The following VAPB variants were observed in gnomAD, a reference collection of about 807,000 sequenced individuals.
VAPB encodes VAMP associated protein B and C, also known as vesicle-associated membrane protein-associated protein B/C.
A neutral mutation model predicts 25.6 loss-of-function variants in VAPB; 7 were observed. The observed-to-expected ratio is 0.27, with a 90% CI of 0.16 to 0.51. VAPB has a LOEUF of 0.51. VAPB is among the 20% of genes least tolerant of loss of function. The pLI, the probability that VAPB is intolerant of heterozygous loss-of-function variation, is 0.97. For missense variants in VAPB, 266 were observed against 301.3 expected (o/e 0.88, Z 0.87); for synonymous variants, 112 against 109.2 (o/e 1.03, Z -0.16).
chr20:58,434,664 T>C lies in VAPB; in HGVS notation c.274T>C (p.Ser92Pro). Residue 92 changes from serine to proline, a missense_variant, in exon 3 of 6, where the codon TCT becomes CCT. Around this residue, in one of 3 missense-constraint regions of VAPB, gnomAD observed 98 missense variants for 147.1 expected, o/e 0.67. Coordinates refer to ENST00000475243, the MANE Select transcript of VAPB (RefSeq NM_004738.5). ...EKSKHKFMVQ[S>P]MFAPTDTSDM... ...AAGTAAACACAAGTTTATGGTTCAGTCTATGTTTGCTCCAACTGACACTTC... is the reference window on the plus strand; with the variant it reads ...AAGTAAACACAAGTTTATGGTTCAGCCTATGTTTGCTCCAACTGACACTTC... 1 of 1,599,858 alleles carries C rather than the reference T, an allele frequency of 6.3e-7. No homozygotes were observed. The highest frequency in any genetic ancestry group is 1.1e-5 in the South Asian group (1 of 90,752).
At position 58,443,398 on chromosome 20, in the gene VAPB, G is replaced by GTTTT. The variant is rs397773897; in HGVS notation, c.574-661_574-658dup. 2.6e-3 allele frequency among the ~76,000 whole-genome samples: 292 copies of GTTTT among 112,766 alleles called. 2 individuals are homozygous for GTTTT. Among genetic ancestry groups the GTTTT allele is most frequent in the Middle Eastern group, 0.011 (2 of 180 alleles). The allele number at this position is 112,766 out of a possible 152,430, so 74.0% of individuals were successfully genotyped here. ...AAGCTTCCAGATGTCCCACTTTTAG[G>GTTTT]TTTTTTTTTTTTTTTTTTTTTAATA... On this transcript the variant is annotated intron_variant, in intron 5 of 5. Coordinates refer to ENST00000475243, the MANE Select transcript of VAPB (RefSeq NM_004738.5).
At chr20:58,399,088 G>T (rs543199538) in intron 1 of VAPB, among the ~76,000 whole-genome samples, 1 of 151,938 alleles carries the variant, frequency 6.6e-6, no homozygotes, top group Non-Finnish European at 1.5e-5. Context: ...ATCACCTGAG[G>T]TCAGGAGTTC....
chr20:58,441,628 C>T (rs562566808), intron 5 of VAPB, among the ~76,000 whole-genome samples: 202 of 152,306 alleles, frequency 1.3e-3, no homozygotes, highest in South Asian at 2.9e-3. Context: ...GGTGACAGAG[C>T]TAGACTTCGT....
At chr20:58,426,934 A>G (rs1313722038) in intron 2 of VAPB, among the ~76,000 whole-genome samples, 1 of 152,254 alleles carries the variant, frequency 6.6e-6, no homozygotes, top group East Asian at 1.9e-4. Context: ...TTGCTCTGTT[A>G]CCGTTATAAT....
chr20:58,450,183 C>G lies in VAPB; in HGVS notation c.*5948C>G. On this transcript the variant is annotated 3_prime_UTR_variant, in exon 6 of 6. Transcript: ENST00000475243. ...TTGTTTTTAAGAAATAGACTGAATT[C>G]AGCTGTTAATCCTCTAGTACAGTAT... 2.2e-6 allele frequency: 1 copy of G among 454,042 alleles called. No individual in the cohort carries two copies. Among genetic ancestry groups the G allele is most frequent in the Non-Finnish European group, 4.4e-6 (1 of 226,784 alleles). The allele number at this position is 454,042 out of a possible 1,614,324, so 28.1% of individuals were successfully genotyped here.
intron 1 of VAPB, among the ~76,000 whole-genome samples, chr20:58,413,021 T>A (rs116541215): frequency 6.6e-6 from 1 of 152,334 alleles, no homozygotes; most frequent in African/African-American, 2.4e-5. Context: ...GTCTTTGACC[T>A]TCAAACCAGA....
chr20:58,428,982 G>A (rs1008794986), intron 2 of VAPB, among the ~76,000 whole-genome samples: 6 of 152,182 alleles, frequency 3.9e-5, no homozygotes, highest in Non-Finnish European at 5.9e-5. Context: ...GAGAGCTGGT[G>A]ATGAAAAACA....
intron 1 of VAPB, chr20:58,390,382 T>G (rs1177407309): frequency 2.7e-5 from 4 of 150,748 alleles, no homozygotes; most frequent in East Asian, 3.9e-4. Context: ...TACTTTTGTT[T>G]TTTTTTTTTT....
rs946504495 is a variant in VAPB at position 58,445,178 on chromosome 20, A to G, written c.*943A>G. The G allele has an allele frequency of 4.4e-6, 2 of 454,016 alleles. No individual in the cohort carries two copies. The highest frequency in any genetic ancestry group is 4.0e-5 in the African/African-American group (2 of 49,960). 28.1% of individuals were successfully genotyped at this position (454,016 alleles called of 1,614,324 possible). ...AAATAACAACTGTCATAGGGAGGGA[A>G]ATTCTCAGTAGTGACAGTCAACTCT... On this transcript the variant is annotated 3_prime_UTR_variant, in exon 6 of 6. Transcript: ENST00000475243.
intron 1 of VAPB, among the ~76,000 whole-genome samples, chr20:58,397,289 G>C (rs896925223): frequency 6.6e-6 from 1 of 152,152 alleles, no homozygotes; most frequent in Non-Finnish European, 1.5e-5. Flanking sequence ...GGAGGCTGAG[G>C]CAGGCAGATC....
chr20:58,406,726 C>T (rs1988237721), intron 1 of VAPB, among the ~76,000 whole-genome samples: 2 of 152,180 alleles, frequency 1.3e-5, no homozygotes, highest in Non-Finnish European at 2.9e-5. Flanking sequence ...ACTTTTTGCA[C>T]TTGAACTGTT....
At chr20:58,423,401 A>G (rs553510856) in intron 2 of VAPB, among the ~76,000 whole-genome samples, 3 of 142,400 alleles carry the variant, frequency 2.1e-5, no homozygotes, top group Non-Finnish European at 4.6e-5. Context: ...AACAAGAGAG[A>G]AACTCCATCT....
chr20:58,399,809 T>C (rs1988053324), intron 1 of VAPB, among the ~76,000 whole-genome samples: 1 of 152,206 alleles, frequency 6.6e-6, no homozygotes, highest in South Asian at 2.1e-4. Context: ...GCTATTTGTT[T>C]ATTAGTGTTG....
At chr20:58,439,088 T>G (rs1989108051) in intron 4 of VAPB, 63 bp downstream of exon 4, 1 of 1,468,978 alleles carries the variant, frequency 6.8e-7, no homozygotes, top group Non-Finnish European at 9.5e-7. Flanking sequence ...TGCATACCAT[T>G]TCCTGCAAAA....
At chr20:58,436,992 C>CTTTCTTTTT (rs1989062006) in intron 3 of VAPB, among the ~76,000 whole-genome samples, 1 of 77,432 alleles carries the variant, frequency 1.3e-5, no homozygotes, top group African/African-American at 5.4e-5. Context: ...AAACTTTGAA[C>CTTTCTTTTT]TTTTTTTTTT....
Position 58,446,193 on chromosome 20 carries a change from T to C in VAPB, c.*1958T>C, listed in dbSNP as rs762900487. 17 of 453,982 alleles carry C rather than the reference T, an allele frequency of 3.7e-5. No individual in the cohort carries two copies. The highest frequency in any genetic ancestry group is 6.2e-5 in the Non-Finnish European group (14 of 226,776). 28.1% of individuals were successfully genotyped at this position (453,982 alleles called of 1,614,324 possible). On this transcript the variant is annotated 3_prime_UTR_variant, in exon 6 of 6. Transcript: ENST00000475243. ...GAGGCCACCCCAATAGGAATTCGTC[T>C]CCAGGATTTTTCCCATGTGTCCCCC...
chr20:58,417,878 A>G (rs898771765), intron 1 of VAPB, among the ~76,000 whole-genome samples: 1 of 152,170 alleles, frequency 6.6e-6, no homozygotes, highest in Admixed American at 6.5e-5. Context: ...CCTCACTACC[A>G]CTATCATGAA....
intron 1 of VAPB, among the ~76,000 whole-genome samples, chr20:58,417,690 A>G (rs1329831070): frequency 1.3e-5 from 2 of 152,298 alleles, no homozygotes; most frequent in Non-Finnish European, 2.9e-5. Flanking sequence ...TTTATAGACC[A>G]TTAACACCTC....
At chr20:58,419,074 C>T (rs551050340) in intron 2 of VAPB, among the ~76,000 whole-genome samples, 1 of 152,286 alleles carries the variant, frequency 6.6e-6, no homozygotes, top group East Asian at 1.9e-4. Context: ...ACTTTTAGCT[C>T]ATTAGAACTT....
Sources: gnomAD v4.1 joint callset for allele counts (sites outside exome capture counted in the v4.1 genomes callset) on GRCh38, gnomAD v4.1.1 for gene constraint, gnomAD v4.1.1 regional missense constraint, MANE v1.5 for transcripts, NCBI Gene and HGNC (gene_info 2026-07-23, HGNC 2026-07-21) for gene names.